The following VPS35L variants were observed in gnomAD, a reference collection of about 807,000 sequenced individuals.
VPS35L encodes VPS35 endosomal protein sorting factor like.
Under a neutral mutation model 133.0 loss-of-function variants are expected in VPS35L, and 83 were observed. That is an observed-to-expected ratio of 0.62 (90% CI 0.52 to 0.75). The LOEUF is 0.75. Among genes scored for constraint, VPS35L ranks in the 30% least tolerant of loss-of-function variants. The pLI is 0.00. For missense variants in VPS35L, 1,083 were observed against 1,206.8 expected, an observed-to-expected ratio of 0.90 and a Z score of 1.52; for synonymous variants, 423 against 449.9, an observed-to-expected ratio of 0.94 and a Z score of 0.76.
chr16:19,582,074 A>G (rs1971730261), intron 7 of VPS35L: 1 of 159,176 alleles, frequency 6.3e-6, no homozygotes, highest in Non-Finnish European at 1.4e-5. Context: ...ATAAATGAAT[A>G]TTTCAGACAT....
At chr16:19,604,323 T>G (rs184516039) in intron 9 of VPS35L, among the ~76,000 whole-genome samples, 8 of 152,192 alleles carry the variant, frequency 5.3e-5, no homozygotes, top group Admixed American at 3.3e-4. Context: ...AAACAACATT[T>G]TAGGGCCAAT....
At chr16:19,587,792 ATTGTCT>A (rs1394226288) in intron 7 of VPS35L, among the ~76,000 whole-genome samples, 3 of 144,710 alleles carry the variant, frequency 2.1e-5, no homozygotes, top group Non-Finnish European at 4.5e-5. Flanking sequence ...CCAGTTCCAC[ATTGTCT>A]TTTTTTTTTT....
intron 23 of VPS35L, among the ~76,000 whole-genome samples, chr16:19,645,763 A>G (rs1478046212): frequency 6.6e-6 from 1 of 152,144 alleles, no homozygotes; most frequent in African/African-American, 2.4e-5. Flanking sequence ...CCCCAAGCAC[A>G]CCTGGGTGAC....
chr16:19,610,272 A>G, intron 11 of VPS35L, 50 bp from the exon 12 acceptor site: 1 of 1,467,504 alleles, frequency 6.8e-7, no homozygotes, highest in Non-Finnish European at 9.5e-7. Flanking sequence ...ATTAAAGAAC[A>G]GCGAGTTCTC....
At chr16:19,682,521 C>CAA in intron 28 of VPS35L, 131 bp downstream of exon 28, 1 of 1,049,932 alleles carries the variant, frequency 9.5e-7, no homozygotes, top group Non-Finnish European at 1.4e-6. Context: ...TCCAGGGTCT[C>CAA]ACTGTATTTA....
At chr16:19,658,169 C>G (rs1271382261) in intron 26 of VPS35L, among the ~76,000 whole-genome samples, 1 of 152,174 alleles carries the variant, frequency 6.6e-6, no homozygotes, top group Non-Finnish European at 1.5e-5. Context: ...TCAGTATTTT[C>G]TGGTCATCTT....
At chr16:19,568,300 C>A (rs1027451050) in intron 2 of VPS35L, among the ~76,000 whole-genome samples, 7 of 151,612 alleles carry the variant, frequency 4.6e-5, no homozygotes, top group South Asian at 2.1e-4. Flanking sequence ...TTCAAACCGC[C>A]CCCCCCTTTT....
rs973159255 is a variant in VPS35L at position 19,591,974 on chromosome 16, A to G, written c.724+100A>G. On this transcript the variant is annotated intron_variant, in intron 8 of 30. Transcript: ENST00000417362. ...GTAAATTAGGTTCTGCTGTGGTTTA[A>G]GTTATTAAGTAAGTCATGGGAGAGA... 2.2e-5 allele frequency: 20 copies of G among 928,016 alleles called. No individual in the cohort carries two copies. The Admixed American group carries it at 2.8e-4, about 13-fold the overall frequency. 57.5% of individuals were successfully genotyped at this position (928,016 alleles called of 1,614,324 possible).
At chr16:19,572,624 T>G (rs1971417698) in intron 3 of VPS35L, among the ~76,000 whole-genome samples, 1 of 152,230 alleles carries the variant, frequency 6.6e-6, no homozygotes, top group Non-Finnish European at 1.5e-5. Flanking sequence ...TATCCTTTCC[T>G]TAATTCTTAA....
At chr16:19,556,671 T>G (rs1359509786) in intron 1 of VPS35L, among the ~76,000 whole-genome samples, 1 of 152,254 alleles carries the variant, frequency 6.6e-6, no homozygotes, top group African/African-American at 2.4e-5. Flanking sequence ...TTAGAAATAA[T>G]CAGGTACAAC....
At chr16:19,596,609 T>C (rs1337525974) in intron 8 of VPS35L, among the ~76,000 whole-genome samples, 5 of 151,316 alleles carry the variant, frequency 3.3e-5, no homozygotes. Flanking sequence ...CAGTTTCACC[T>C]CTGGGAATCT....
intron 29 of VPS35L, among the ~76,000 whole-genome samples, chr16:19,696,924 T>C (rs1351648912): frequency 1.3e-5 from 2 of 152,224 alleles, no homozygotes; most frequent in Non-Finnish European, 2.9e-5. Context: ...CTTGGTCTTG[T>C]AGATTCAGGC....
At chr16:19,700,290 TA>T in intron 30 of VPS35L, 87 bp from the exon 31 acceptor site, 1 of 1,173,078 alleles carries the variant, frequency 8.5e-7, no homozygotes, top group Non-Finnish European at 1.2e-6. Context: ...CTAAGAAATC[TA>T]AGCTCACATA....
chr16:19,645,873 C>T (rs1973931204), intron 23 of VPS35L, among the ~76,000 whole-genome samples: 1 of 152,232 alleles, frequency 6.6e-6, no homozygotes, highest in Non-Finnish European at 1.5e-5. Flanking sequence ...GGCAAAACGC[C>T]AGATATCCAC....
chr16:19,637,285 C>G (rs1437844421), intron 19 of VPS35L, among the ~76,000 whole-genome samples: 1 of 152,110 alleles, frequency 6.6e-6, no homozygotes, highest in Admixed American at 6.6e-5. Context: ...TCCATTGAGT[C>G]CTTACTGCTT....
intron 24 of VPS35L, among the ~76,000 whole-genome samples, chr16:19,648,474 G>T (rs112801604): frequency 6.6e-6 from 1 of 152,116 alleles, no homozygotes; most frequent in South Asian, 2.1e-4. Flanking sequence ...CCCTTCTTAC[G>T]TAACAAGAGG....
At chr16:19,629,139 T>C (rs1254819006) in intron 17 of VPS35L, among the ~76,000 whole-genome samples, 1 of 152,072 alleles carries the variant, frequency 6.6e-6, no homozygotes, top group Admixed American at 6.6e-5. Context: ...TTTTAAAAAA[T>C]TACCCTTCCA....
intron 28 of VPS35L, among the ~76,000 whole-genome samples, chr16:19,690,274 GCCC>G: frequency 6.6e-6 from 1 of 152,122 alleles, no homozygotes; most frequent in African/African-American, 2.4e-5. Context: ...CTCTTTCGTT[GCCC>G]AGATTATGCT....
chr16:19,657,818 G>C (rs1481958086), intron 26 of VPS35L, among the ~76,000 whole-genome samples: 1 of 152,188 alleles, frequency 6.6e-6, no homozygotes, highest in Non-Finnish European at 1.5e-5. Context: ...ACCAGGTCTT[G>C]GCGATTTATG....
Sources: gnomAD v4.1 joint callset for allele counts (sites outside exome capture counted in the v4.1 genomes callset) on GRCh38, gnomAD v4.1.1 for gene constraint, MANE v1.5 for transcripts, NCBI Gene and HGNC (gene_info 2026-07-23, HGNC 2026-07-21) for gene names.